The following SLC18A1 variants were observed in gnomAD, a reference collection of about 807,000 sequenced individuals.
The protein encoded by SLC18A1 is solute carrier family 18 member A1.
SLC18A1 carries 69 observed loss-of-function variants against 53.7 expected under a neutral mutation model. That is an observed-to-expected ratio of 1.28 (90% CI 1.06 to 1.57). The LOEUF (loss-of-function observed/expected upper bound fraction) is 1.57. Among genes scored for constraint, SLC18A1 ranks in the 40% most tolerant of loss-of-function variants. The probability of loss-of-function intolerance (pLI) is 0.00; values close to 1 mark genes in which losing one functional copy is unlikely to be tolerated. For synonymous variants in SLC18A1, 320 were observed against 248.1 expected (o/e 1.29, Z -2.72); for missense variants, 932 against 668.1 (o/e 1.40, Z -4.35).
chr8:20,180,998 G>T lies in SLC18A1; in HGVS notation c.-34C>A, dbSNP rs775027396. On this transcript the variant is annotated 5_prime_UTR_variant, in exon 2 of 16. Transcript: ENST00000276373. ...CCGGACTGGGGCAGTCTTCCCCTGCGGGCTCTTAGGGAAGGTCCTGTGACA... is the reference window on the plus strand; with the variant it reads ...CCGGACTGGGGCAGTCTTCCCCTGCTGGCTCTTAGGGAAGGTCCTGTGACA... The T allele has an allele frequency of 1.9e-6, 3 of 1,548,942 alleles. No individual in the cohort carries two copies. The highest frequency in any genetic ancestry group is 2.6e-6 in the Non-Finnish European group (3 of 1,145,414).
chr8:20,165,514 C>A (rs1373828706), intron 8 of SLC18A1, among the ~76,000 whole-genome samples: 1 of 152,144 alleles, frequency 6.6e-6, no homozygotes, highest in Non-Finnish European at 1.5e-5. Flanking sequence ...AGCACCGAAT[C>A]CCAAAAGCAA....
At chr8:20,171,608 C>G (rs547786242) in intron 6 of SLC18A1, 114 bp from the exon 7 acceptor site, 1 of 766,040 alleles carries the variant, frequency 1.3e-6, no homozygotes, top group Admixed American at 2.1e-5. Flanking sequence ...GGCTAAGCTC[C>G]ACCTGAGGCT....
At chr8:20,172,616 G>T (rs1234874494) in intron 6 of SLC18A1, among the ~76,000 whole-genome samples, 8 of 152,170 alleles carry the variant, frequency 5.3e-5, no homozygotes, top group South Asian at 2.1e-4. Flanking sequence ...GCTGTGTGAT[G>T]TTGGATGGTG....
At chr8:20,174,323 C>G (rs369045798) in intron 5 of SLC18A1, 38 bp downstream of exon 5, 32 of 1,377,778 alleles carry the variant, frequency 2.3e-5, no homozygotes, top group Non-Finnish European at 2.8e-5. Flanking sequence ...TGTGTGCATG[C>G]CTGCATGTGT....
intron 11 of SLC18A1, among the ~76,000 whole-genome samples, chr8:20,150,312 C>T (rs761921202): frequency 3.9e-5 from 6 of 152,174 alleles, no homozygotes; most frequent in Non-Finnish European, 8.8e-5. Flanking sequence ...CCTTAGGATT[C>T]CACAGAACAT....
At position 20,174,459 on chromosome 8, in the gene SLC18A1, T is replaced by G; in HGVS notation, c.548-15A>C. The G allele has an allele frequency of 1.2e-6, 2 of 1,600,772 alleles. No homozygotes were observed. Among genetic ancestry groups the G allele is most frequent in the African/African-American group, 1.3e-5 (1 of 74,736 alleles). On this transcript the variant is annotated splice_polypyrimidine_tract_variant and intron_variant, in intron 4 of 15. Coordinates refer to ENST00000276373, the MANE Select transcript of SLC18A1 (RefSeq NM_003053.4). Reference sequence around the variant, plus strand: ...AAAAGCAAACACTGGGCAGAGAGAATAGCAAGATAACTGCAGTTAGCAAAT... The same window carrying G: ...AAAAGCAAACACTGGGCAGAGAGAAGAGCAAGATAACTGCAGTTAGCAAAT...
chr8:20,161,062 A>G (rs2128872756), intron 10 of SLC18A1, among the ~76,000 whole-genome samples: 1 of 152,314 alleles, frequency 6.6e-6, no homozygotes, highest in African/African-American at 2.4e-5. Context: ...TGGAGGACAT[A>G]GCATTCTACC....
rs2072166958 is a variant in SLC18A1, at chr8:20,173,123, C to G, written c.637G>C (p.Gly213Arg). The G allele has an allele frequency of 6.4e-7, 1 of 1,569,632 alleles. No individual in the cohort carries two copies. Among genetic ancestry groups the G allele is most frequent in the Admixed American group, 1.9e-5 (1 of 53,228 alleles). ...GSSFSSVAGLGMLASVYTDDH... is the reference protein window; with the variant it reads ...GSSFSSVAGLRMLASVYTDDH... The stretch of plus-strand genomic sequence containing the variant: ...TCAGTGTAGACACTGGCCAGCATTC[C>G]AAGACCTGCGCAGAGAGTTACAGAT... Residue 213 changes from glycine to arginine, a missense_variant, in exon 6 of 16, where the codon GGA becomes CGA. Coordinates refer to ENST00000276373, the MANE Select transcript of SLC18A1 (RefSeq NM_003053.4).
chr8:20,181,058 G>A lies in SLC18A1; in HGVS notation c.-94C>T, dbSNP rs2072417390. 5 of 1,442,626 alleles carry A rather than the reference G, an allele frequency of 3.5e-6. No individual in the cohort carries two copies. Among genetic ancestry groups the A allele is most frequent in the Admixed American group, 2.3e-5 (1 of 43,224 alleles). 89.4% of individuals were successfully genotyped at this position (1,442,626 alleles called of 1,614,324 possible). A position where few individuals can be genotyped will look rare whatever the true frequency, so the allele number is the denominator to read the frequency against. On this transcript the variant is annotated 5_prime_UTR_variant, in exon 2 of 16. Transcript: ENST00000276373. Reference sequence around the variant, plus strand: ...CTCCTGCAGCCTTTATGGAAGAGGGGAGGGAGTCTGCCCAGACGAAGGAAA... The same window carrying A: ...CTCCTGCAGCCTTTATGGAAGAGGGAAGGGAGTCTGCCCAGACGAAGGAAA...
chr8:20,180,883 A>G lies in SLC18A1; in HGVS notation c.82T>C (p.Phe28Leu). The change falls in exon 2 of 16, where the codon TTC becomes CTC. Residue 28 changes from phenylalanine (F) to leucine (L), a missense_variant. Coordinates refer to ENST00000276373, the MANE Select transcript of SLC18A1 (RefSeq NM_003053.4). ...ASRQLVLVVV[F>L]VALLLDNMLF... ...ATGTTGTCCAGGAGCAAAGCGACGA[A>G]TACCACCACCAGCACCAGCTGCCGG... 3.1e-6 allele frequency: 5 copies of G among 1,614,016 alleles called. 1 individual carries two copies. In the South Asian group the frequency reaches 5.5e-5, roughly 18 times the overall value.
At chr8:20,153,012 T>C (rs187037354) in intron 10 of SLC18A1, among the ~76,000 whole-genome samples, 90 of 152,008 alleles carry the variant, frequency 5.9e-4, no homozygotes, top group African/African-American at 2.1e-3. Context: ...TCTCAATGAG[T>C]AGGAGGCAAA....
chr8:20,159,914 G>A lies in SLC18A1; in HGVS notation c.1015+4955C>T, dbSNP rs531075766. Among the ~76,000 whole-genome samples the A allele has an allele frequency of 9.9e-5, 15 of 152,210 alleles. No homozygotes were observed. In the South Asian group the frequency reaches 1.2e-3, roughly 13 times the overall value. On this transcript the variant is annotated intron_variant, in intron 10 of 15. Coordinates refer to ENST00000276373, the MANE Select transcript of SLC18A1 (RefSeq NM_003053.4). ...GTTTCCACTATGCCACACCCCCAGCGTGGTAGCACAGATGGCTCTGGTATA... is the reference window on the plus strand; with the variant it reads ...GTTTCCACTATGCCACACCCCCAGCATGGTAGCACAGATGGCTCTGGTATA...
At chr8:20,180,485 C>G (rs1286411607) in intron 2 of SLC18A1, among the ~76,000 whole-genome samples, 6 of 152,142 alleles carry the variant, frequency 3.9e-5, no homozygotes, top group Non-Finnish European at 5.9e-5. Flanking sequence ...CAGAAAGGCA[C>G]CCCTGTGAGA....
At chr8:20,177,027 G>T (rs1327519936) in intron 4 of SLC18A1, among the ~76,000 whole-genome samples, 4 of 152,106 alleles carry the variant, frequency 2.6e-5, no homozygotes, top group Non-Finnish European at 5.9e-5. Flanking sequence ...ATGGCCATCT[G>T]GGCATTATAC....
chr8:20,158,655 A>C (rs1043925237), intron 10 of SLC18A1, among the ~76,000 whole-genome samples: 7 of 152,200 alleles, frequency 4.6e-5, no homozygotes, highest in African/African-American at 1.4e-4. Flanking sequence ...CAGCCCCTGC[A>C]GTACTCCAAT....
intron 10 of SLC18A1, among the ~76,000 whole-genome samples, chr8:20,160,724 T>A (rs995159431): frequency 6.6e-6 from 1 of 152,080 alleles, no homozygotes; most frequent in Non-Finnish European, 1.5e-5. Context: ...TTACCACAGA[T>A]TGGGTAATTC....
Position 20,150,590 on chromosome 8 carries a change from A to G in SLC18A1, c.1094+76T>C, listed in dbSNP as rs1415347505. The G allele has an allele frequency of 3.2e-6, 4 of 1,268,582 alleles. No homozygotes were observed. In the South Asian group the frequency reaches 4.8e-5, roughly 15 times the overall value. The allele number at this position is 1,268,582 out of a possible 1,614,324, so 78.6% of individuals were successfully genotyped here. ...ACTTTCAACCGTATGGAAGCTGTTC[A>G]TCATTCCAAGATCAGGAACGGGCGC... On this transcript the variant is annotated intron_variant, in intron 11 of 15. Transcript: ENST00000276373.
At chr8:20,180,468 C>T (rs775326571) in intron 2 of SLC18A1, among the ~76,000 whole-genome samples, 2 of 152,144 alleles carry the variant, frequency 1.3e-5, no homozygotes, top group Non-Finnish European at 2.9e-5. Flanking sequence ...TTTTATAGAG[C>T]AGAGTCCAGA....
chr8:20,171,688 G>GTT (rs72454828), intron 6 of SLC18A1, among the ~76,000 whole-genome samples, 194 bp from the exon 7 acceptor site: 1 of 149,950 alleles, frequency 6.7e-6, no homozygotes, highest in African/African-American at 2.5e-5. Flanking sequence ...GGAAGTGTGT[G>GTT]TGTGTGTGTG....
Sources: gnomAD v4.1 joint callset for allele counts (sites outside exome capture counted in the v4.1 genomes callset) on GRCh38, gnomAD v4.1.1 for gene constraint, MANE v1.5 for transcripts, NCBI Gene and HGNC (gene_info 2026-07-23, HGNC 2026-07-21) for gene names.